SENP1: variants seen among roughly 807,000 people sequenced by gnomAD.
SENP1 encodes the protein sentrin-specific protease 1.
Under a neutral mutation model 93.0 loss-of-function variants are expected in SENP1, and 21 were observed. The ratio of observed to expected loss-of-function variants is 0.23; its 90% CI spans 0.16 to 0.33. The LOEUF (loss-of-function observed/expected upper bound fraction) is 0.33. Ranked by LOEUF, SENP1 falls within the 10% of genes least tolerant of loss-of-function variation. The pLI, the probability that SENP1 is intolerant of heterozygous loss-of-function variation, is 1.00. For synonymous variants in SENP1, 256 were observed against 259.6 expected (o/e 0.99, Z 0.13); for missense variants, 591 against 758.7 (o/e 0.78, Z 2.60).
intron 13 of SENP1, among the ~76,000 whole-genome samples, chr12:48,061,280 A>T (rs945852813): frequency 1.3e-5 from 2 of 152,230 alleles, no homozygotes; most frequent in African/African-American, 4.8e-5. Flanking sequence ...ACATCTTATA[A>T]AGCAGGAAAC....
rs1335930004 is a variant in SENP1, at chr12:48,106,076, A to C, written c.-93T>G. On this transcript the variant is annotated 5_prime_UTR_variant, in exon 1 of 18. Coordinates refer to ENST00000549518, the MANE Select transcript of SENP1 (RefSeq NM_001267594.2). ...GAAGGGGTTTCCGGCCGGGCGCGGA[A>C]CGCAAAACCCGGGAACCGCCGCGAA... The C allele has an allele frequency of 5.7e-6, 4 of 702,570 alleles. No homozygotes were observed. The highest frequency in any genetic ancestry group is 1.0e-5 in the Non-Finnish European group (4 of 384,778). 43.5% of individuals were successfully genotyped at this position (702,570 alleles called of 1,614,324 possible).
intron 11 of SENP1, 32 bp from the exon 12 acceptor site, chr12:48,065,252 A>G: frequency 1.3e-6 from 2 of 1,512,102 alleles, no homozygotes; most frequent in South Asian, 2.4e-5. Flanking sequence ...TAAGTGGGAT[A>G]AAGAAATCTG....
rs144379408 is a variant in SENP1 at position 48,065,239 on chromosome 12, G to C, written c.1120-19C>G. ...GCAATCTCTGAAAGATAAAACTTCA[G>C]AGTAAGTGGGATAAAGAAATCTGTG... is the stretch of plus-strand genomic sequence containing the variant. On this transcript the variant is annotated intron_variant, in intron 11 of 17. Coordinates refer to ENST00000549518, the MANE Select transcript of SENP1 (RefSeq NM_001267594.2). 1.0e-4 allele frequency: 159 copies of C among 1,548,138 alleles called. 2 individuals are homozygous for C. In the African/African-American group the frequency reaches 1.7e-3, roughly 17 times the overall value.
intron 13 of SENP1, among the ~76,000 whole-genome samples, chr12:48,057,577 T>C (rs1431615261): frequency 2.6e-5 from 3 of 117,198 alleles, no homozygotes; most frequent in Non-Finnish European, 5.1e-5. Flanking sequence ...ATATATAACA[T>C]ATATTACCTA....
intron 6 of SENP1, 113 bp from the exon 7 acceptor site, chr12:48,074,906 A>G (rs906426686): frequency 5.8e-6 from 4 of 695,298 alleles, no homozygotes; most frequent in South Asian, 1.9e-5. Context: ...CAGAATCCTT[A>G]AGATAATTAA....
At chr12:48,100,924 TA>T (rs1328295642) in intron 2 of SENP1, among the ~76,000 whole-genome samples, 1 of 152,234 alleles carries the variant, frequency 6.6e-6, no homozygotes, top group Non-Finnish European at 1.5e-5. Context: ...AGGGTATACT[TA>T]ACTTTTTCAA....
intron 13 of SENP1, among the ~76,000 whole-genome samples, chr12:48,059,892 A>G (rs1942842439): frequency 6.6e-6 from 1 of 151,690 alleles, no homozygotes; most frequent in African/African-American, 2.4e-5. Flanking sequence ...AGGTTTTTCT[A>G]CTCTTAACTG....
intron 4 of SENP1, among the ~76,000 whole-genome samples, chr12:48,090,075 T>C (rs1375532851): frequency 6.6e-6 from 1 of 152,216 alleles, no homozygotes; most frequent in African/African-American, 2.4e-5. Context: ...AATTCAACAG[T>C]TGGTGACCTT....
chr12:48,065,276 A>C, intron 11 of SENP1, 56 bp from the exon 12 acceptor site: 1 of 1,350,990 alleles, frequency 7.4e-7, no homozygotes, highest in South Asian at 1.3e-5. Flanking sequence ...ATGTTCCTTG[A>C]TTTATGATAG....
intron 1 of SENP1, chr12:48,105,567 A>T: frequency 4.0e-6 from 2 of 494,302 alleles, no homozygotes; most frequent in Middle Eastern, 3.3e-4. Context: ...TGAGACGCAG[A>T]AGTAGTCAAG....
At chr12:48,077,242 GTTAA>G (rs1329621788) in intron 6 of SENP1, among the ~76,000 whole-genome samples, 7 of 152,174 alleles carry the variant, frequency 4.6e-5, no homozygotes, top group South Asian at 2.1e-4. Flanking sequence ...TCTGCACACT[GTTAA>G]TTGTTTCCTT....
At chr12:48,102,724 G>A (rs2137351596) in intron 1 of SENP1, among the ~76,000 whole-genome samples, 1 of 149,536 alleles carries the variant, frequency 6.7e-6, no homozygotes, top group East Asian at 2.0e-4. Flanking sequence ...TCACACAAAG[G>A]AAGGCAGCTT....
intron 13 of SENP1, among the ~76,000 whole-genome samples, chr12:48,051,125 C>T (rs1395764686): frequency 1.3e-5 from 2 of 150,982 alleles, no homozygotes; most frequent in African/African-American, 2.4e-5. Context: ...TCATGCTATA[C>T]ATCACTATTC....
chr12:48,090,276 T>C (rs1392028901), intron 4 of SENP1, among the ~76,000 whole-genome samples: 3 of 152,212 alleles, frequency 2.0e-5, no homozygotes, highest in Non-Finnish European at 2.9e-5. Context: ...AGTAGAAATA[T>C]TTGTCTCTCA....
At chr12:48,077,755 T>C (rs1944202988) in intron 6 of SENP1, among the ~76,000 whole-genome samples, 1 of 151,784 alleles carries the variant, frequency 6.6e-6, no homozygotes, top group Non-Finnish European at 1.5e-5. Context: ...ACGACAGGCA[T>C]AACGGGTTCA....
chr12:48,048,132 T>A, intron 14 of SENP1, 52 bp from the exon 15 acceptor site: 2 of 1,269,206 alleles, frequency 1.6e-6, no homozygotes, highest in Middle Eastern at 3.7e-4. Context: ...AAAATCGGTT[T>A]ATCAGTTTTT....
At chr12:48,058,192 C>A (rs1378959387) in intron 13 of SENP1, among the ~76,000 whole-genome samples, 1 of 151,810 alleles carries the variant, frequency 6.6e-6, no homozygotes, top group South Asian at 2.1e-4. Flanking sequence ...GTGATCCACC[C>A]GCCTCGGCCT....
At position 48,085,163 on chromosome 12, in the gene SENP1, C is replaced by T. The variant is rs1225178569; in HGVS notation, c.381-1401G>A. The T allele has an allele frequency of 5.7e-5, 82 of 1,442,438 alleles. 1 individual carries two copies. The East Asian group carries it at 1.8e-3, about 32-fold the overall frequency. 89.4% of individuals were successfully genotyped at this position (1,442,438 alleles called of 1,614,324 possible). A position where few individuals can be genotyped will look rare whatever the true frequency, so the allele number is the denominator to read the frequency against. ...GGGAGCTTAACAAGAACTGCCACCC[C>T]AATTTCCTGGTGGTGGAGAAGGATA... On this transcript the variant is annotated intron_variant, in intron 5 of 17. Transcript: ENST00000549518.
chr12:48,085,282 T>G (rs1944779584), intron 5 of SENP1: 1 of 1,548,544 alleles, frequency 6.5e-7, no homozygotes, highest in Non-Finnish European at 8.9e-7. Context: ...GCAGAGATGG[T>G]GCAGCATGCC....
Sources: gnomAD v4.1 joint callset for allele counts (sites outside exome capture counted in the v4.1 genomes callset) on GRCh38, gnomAD v4.1.1 for gene constraint, MANE v1.5 for transcripts, NCBI Gene and HGNC (gene_info 2026-07-23, HGNC 2026-07-21) for gene names.